The following RGS5 variants were observed in gnomAD, a reference collection of about 807,000 sequenced individuals.
RGS5 encodes regulator of G-protein signalling 5.
A neutral mutation model predicts 18.9 loss-of-function variants in RGS5; 20 were observed. That is an observed-to-expected ratio of 1.06 (90% confidence interval 0.74 to 1.54). RGS5 has a LOEUF of 1.54. Ranked by LOEUF, RGS5 falls within the 40% of genes most tolerant of loss-of-function variation. The probability of loss-of-function intolerance (pLI) is 0.00; values close to 1 mark genes in which losing one functional copy is unlikely to be tolerated. For synonymous variants in RGS5, 57 were observed against 76.2 expected (o/e 0.75, Z 1.31); for missense variants, 201 against 211.8 (o/e 0.95, Z 0.32).
intron 2 of RGS5, among the ~76,000 whole-genome samples, chr1:163,254,739 T>C (rs1030541615): frequency 5.3e-5 from 8 of 152,250 alleles, no homozygotes; most frequent in African/African-American, 1.7e-4. Flanking sequence ...ATGTCCTGAA[T>C]GGTAATGCCT....
intron 1 of RGS5, among the ~76,000 whole-genome samples, chr1:163,202,498 T>C (rs1039388000): frequency 6.6e-6 from 1 of 152,186 alleles, no homozygotes; most frequent in African/African-American, 2.4e-5. Context: ...TCCTTAACCA[T>C]ACAGTTTTTA....
At chr1:163,247,394 A>T (rs1299469007) in intron 2 of RGS5, among the ~76,000 whole-genome samples, 1 of 152,136 alleles carries the variant, frequency 6.6e-6, no homozygotes, top group East Asian at 1.9e-4. Context: ...TAACCGTATT[A>T]TCTGTGACAG....
At chr1:163,249,648 G>A (rs1382077413) in intron 2 of RGS5, among the ~76,000 whole-genome samples, 5 of 152,092 alleles carry the variant, frequency 3.3e-5, no homozygotes, top group Admixed American at 6.6e-5. Flanking sequence ...AAAATTAGCC[G>A]GGCATTGTGG....
intron 1 of RGS5, among the ~76,000 whole-genome samples, chr1:163,200,468 T>C (rs1659734813): frequency 6.6e-6 from 1 of 152,062 alleles, no homozygotes; most frequent in Admixed American, 6.6e-5. Flanking sequence ...CAGGAGCCTG[T>C]GTGGGGGAGG....
At chr1:163,314,666 T>G (rs986086687) in intron 1 of RGS5, among the ~76,000 whole-genome samples, 2 of 152,158 alleles carry the variant, frequency 1.3e-5, no homozygotes, top group Admixed American at 1.3e-4. Flanking sequence ...TATTTGTGTC[T>G]CCCCAAAATT....
chr1:163,205,706 G>A (rs1172993720), upstream of RGS5, among the ~76,000 whole-genome samples: 1 of 152,156 alleles, frequency 6.6e-6, no homozygotes, highest in Middle Eastern at 3.2e-3. Context: ...TCTACAGAAG[G>A]AAGGAGTTAG....
chr1:163,252,316 A>G (rs1648132139), intron 2 of RGS5, among the ~76,000 whole-genome samples: 1 of 152,054 alleles, frequency 6.6e-6, no homozygotes, highest in African/African-American at 2.4e-5. Context: ...AGTTCTTTAT[A>G]TATTCTACAT....
intron 2 of RGS5, among the ~76,000 whole-genome samples, chr1:163,247,945 T>C (rs1426223422): frequency 6.6e-6 from 1 of 152,228 alleles, no homozygotes; most frequent in Non-Finnish European, 1.5e-5. Flanking sequence ...ACTTGCTCTG[T>C]AACTTTGAGC....
At chr1:163,222,491 G>A (rs1296952662), upstream of RGS5, among the ~76,000 whole-genome samples, 3 of 152,128 alleles carry the variant, frequency 2.0e-5, no homozygotes, top group African/African-American at 7.2e-5. Context: ...AGCCACCACC[G>A]TGACTGGTGG....
At chr1:163,267,358 G>A (rs1401944989) in intron 2 of RGS5, 4 of 152,130 alleles carry the variant, frequency 2.6e-5, no homozygotes, top group African/African-American at 7.2e-5. Context: ...AGAAGTAAAT[G>A]TATGTTGGTT....
intron 2 of RGS5, among the ~76,000 whole-genome samples, chr1:163,166,091 A>T (rs1332619500): frequency 1.6e-5 from 2 of 122,790 alleles, no homozygotes; most frequent in African/African-American, 3.2e-5. Context: ...TTAGTCAGTA[A>T]AAGTAAGAGA....
intron 2 of RGS5, among the ~76,000 whole-genome samples, chr1:163,265,221 C>T (rs1287532655): frequency 2.6e-5 from 4 of 151,996 alleles, no homozygotes; most frequent in Non-Finnish European, 4.4e-5. Flanking sequence ...ACTTCAATGA[C>T]GATCATATCC....
chr1:163,252,817 A>G (rs1227312972), intron 2 of RGS5, among the ~76,000 whole-genome samples: 1 of 152,134 alleles, frequency 6.6e-6, no homozygotes, highest in Non-Finnish European at 1.5e-5. Context: ...TTGCTAACAG[A>G]TGGCCACTAG....
At chr1:163,170,904 A>C (rs1658270314) in intron 1 of RGS5, among the ~76,000 whole-genome samples, 1 of 152,194 alleles carries the variant, frequency 6.6e-6, no homozygotes, top group South Asian at 2.1e-4. Flanking sequence ...AAGTTACTTA[A>C]ATTATCTAAT....
At chr1:163,205,867 T>C (rs1268878872), upstream of RGS5, among the ~76,000 whole-genome samples, 2 of 152,218 alleles carry the variant, frequency 1.3e-5, no homozygotes, top group African/African-American at 4.8e-5. Flanking sequence ...AATATATTTA[T>C]TGAGATGCAT....
intron 2 of RGS5, among the ~76,000 whole-genome samples, chr1:163,283,574 G>A (rs1352232157): frequency 6.6e-6 from 1 of 152,130 alleles, no homozygotes; most frequent in Non-Finnish European, 1.5e-5. Context: ...GTGAGTGTAT[G>A]TAGAATCCAG....
intron 2 of RGS5, among the ~76,000 whole-genome samples, chr1:163,287,367 C>G (rs1025913889): frequency 2.0e-5 from 3 of 152,202 alleles, no homozygotes; most frequent in African/African-American, 7.2e-5. Flanking sequence ...CCTATTCCCC[C>G]ACCCCTACTA....
intron 2 of RGS5, among the ~76,000 whole-genome samples, chr1:163,259,061 G>A (rs1047297751): frequency 6.6e-6 from 1 of 152,090 alleles, no homozygotes; most frequent in Non-Finnish European, 1.5e-5. Flanking sequence ...ACATGACGAT[G>A]ATGCTAGTTT....
intron 1 of RGS5, among the ~76,000 whole-genome samples, chr1:163,185,509 A>G (rs1000655289): frequency 2.0e-5 from 3 of 152,174 alleles, no homozygotes; most frequent in Non-Finnish European, 2.9e-5. Flanking sequence ...CCCAGGCTCA[A>G]CTTGGTTATC....
Sources: gnomAD v4.1 joint callset for allele counts (sites outside exome capture counted in the v4.1 genomes callset) on GRCh38, gnomAD v4.1.1 for gene constraint, MANE v1.5 for transcripts, NCBI Gene and HGNC (gene_info 2026-07-23, HGNC 2026-07-21) for gene names.